PAM: variants seen among roughly 807,000 people sequenced by gnomAD.
The protein encoded by PAM is peptidylglycine alpha-amidating monooxygenase.
A neutral mutation model predicts 122.1 loss-of-function variants in PAM; 72 were observed. That is an observed-to-expected ratio of 0.59 (90% confidence interval 0.49 to 0.72). The LOEUF (loss-of-function observed/expected upper bound fraction) is 0.72. Among genes scored for constraint, PAM ranks in the 30% least tolerant of loss-of-function variants. The probability of loss-of-function intolerance (pLI) is 0.00; values close to 1 mark genes in which losing one functional copy is unlikely to be tolerated. For synonymous variants in PAM, 389 were observed against 404.4 expected (o/e 0.96, Z 0.46); for missense variants, 1,106 against 1,183.7 (o/e 0.93, Z 0.96).
At chr5:102,974,548 C>T in intron 15 of PAM, 112 bp downstream of exon 15, 1 of 665,632 alleles carries the variant, frequency 1.5e-6, no homozygotes. Flanking sequence ...ATGAAAAGGA[C>T]TTATCATTAG....
chr5:102,826,545 G>T (rs1236253833), intron 1 of PAM, among the ~76,000 whole-genome samples: 3 of 152,164 alleles, frequency 2.0e-5, no homozygotes, highest in African/African-American at 7.2e-5. Flanking sequence ...ACTAAGAGCT[G>T]CTGGTGCCCT....
intron 3 of PAM, among the ~76,000 whole-genome samples, chr5:102,870,832 C>A (rs934809486): frequency 6.6e-6 from 1 of 152,146 alleles, no homozygotes; most frequent in African/African-American, 2.4e-5. Context: ...GTGGTGATAT[C>A]TTGAGACTCC....
intron 1 of PAM, among the ~76,000 whole-genome samples, chr5:102,818,024 C>CAAAA (rs753744226): frequency 0.047 from 2,582 of 55,366 alleles, 65 homozygotes; most frequent in East Asian, 0.063. Context: ...TTTTTTTTCT[C>CAAAA]AAAAAAAAAA....
chr5:102,887,687 ATT>A (rs1407735356), intron 3 of PAM, among the ~76,000 whole-genome samples: 2 of 151,804 alleles, frequency 1.3e-5, no homozygotes, highest in African/African-American at 4.8e-5. Flanking sequence ...AATTACTTTA[ATT>A]TTTTTCCTTC....
At chr5:102,977,248 C>G (rs917736450) in intron 15 of PAM, among the ~76,000 whole-genome samples, 3 of 152,142 alleles carry the variant, frequency 2.0e-5, no homozygotes, top group Admixed American at 1.3e-4. Context: ...CAGGATTCCA[C>G]TTGTTTTCCA....
At chr5:102,796,641 CT>C (rs1763452735) in intron 1 of PAM, among the ~76,000 whole-genome samples, 1 of 152,174 alleles carries the variant, frequency 6.6e-6, no homozygotes, top group Non-Finnish European at 1.5e-5. Flanking sequence ...ATTCAACTCT[CT>C]TTGTACTTTG....
Position 102,974,213 on chromosome 5 carries a change from A to G in PAM, c.1260A>G (p.Ser420=). The change falls in exon 15 of 26, where the codon TCA becomes TCG. Residue 420 remains serine (S), a synonymous_variant. Transcript: ENST00000438793. The part of the protein sequence containing the change: ...YNPTEKAESE[S]DLVAEIANVV... The stretch of plus-strand genomic sequence containing the variant: ...CTACAGAAAAGGCAGAATCAGAGTC[A>G]GACCTGGTAGCTGAGATTGCAAATG... The G allele has an allele frequency of 6.2e-7, 1 of 1,613,806 alleles. No homozygotes were observed. Among genetic ancestry groups the G allele is most frequent in the African/African-American group, 1.3e-5 (1 of 75,048 alleles).
chr5:102,919,940 AC>A (rs897584395), intron 5 of PAM, among the ~76,000 whole-genome samples: 1 of 151,966 alleles, frequency 6.6e-6, no homozygotes, highest in African/African-American at 2.4e-5. Flanking sequence ...TACAGTTGGA[AC>A]CCTTTTGACT....
chr5:102,824,023 G>T (rs1231910957), intron 1 of PAM, among the ~76,000 whole-genome samples: 1 of 152,118 alleles, frequency 6.6e-6, no homozygotes, highest in African/African-American at 2.4e-5. Context: ...GTTTTAAAGA[G>T]CACCAGAAAT....
rs117382323 is a variant in PAM, at chr5:102,758,507, C to T, written c.-374+3159C>T. 5.6e-3 allele frequency among the ~76,000 whole-genome samples: 846 copies of T among 152,234 alleles called. 15 individuals carry two copies. Among genetic ancestry groups the T allele is most frequent in the Admixed American group, 0.036 (558 of 15,290 alleles). ...AAGAACTTTCTTTACCATTTGAATG[C>T]GAAAGCTAATTATTAAAACCACATA... On this transcript the variant is annotated intron_variant, in intron 1 of 25. Coordinates refer to ENST00000438793, the MANE Select transcript of PAM (RefSeq NM_001177306.2).
At chr5:102,776,382 T>G (rs1252309559) in intron 1 of PAM, among the ~76,000 whole-genome samples, 2 of 152,172 alleles carry the variant, frequency 1.3e-5, no homozygotes, top group African/African-American at 4.8e-5. Flanking sequence ...GCAATTGCTT[T>G]TGATGTTTTT....
chr5:102,918,392 CT>C (rs1746200739), intron 5 of PAM, among the ~76,000 whole-genome samples: 1 of 152,022 alleles, frequency 6.6e-6, no homozygotes, highest in African/African-American at 2.4e-5. Context: ...GAATATGAGC[CT>C]AAACTAAGCT....
At chr5:102,836,398 T>C (rs1293941598) in intron 1 of PAM, among the ~76,000 whole-genome samples, 1 of 152,150 alleles carries the variant, frequency 6.6e-6, no homozygotes, top group Non-Finnish European at 1.5e-5. Flanking sequence ...CCTTTTTGTT[T>C]TTTAGTTTTG....
intron 1 of PAM, among the ~76,000 whole-genome samples, chr5:102,859,306 A>G (rs1487231416): frequency 6.7e-6 from 1 of 150,374 alleles, no homozygotes; most frequent in Non-Finnish European, 1.5e-5. Context: ...ACTGATATTG[A>G]TCATGCTGAT....
chr5:102,824,420 T>C (rs1772990266), intron 1 of PAM, among the ~76,000 whole-genome samples: 1 of 152,200 alleles, frequency 6.6e-6, no homozygotes, highest in Admixed American at 6.5e-5. Context: ...AAATGGAAGG[T>C]GTAATATGTG....
chr5:102,946,935 G>A (rs778002309), intron 8 of PAM, 50 bp downstream of exon 8: 24 of 1,208,584 alleles, frequency 2.0e-5, no homozygotes, highest in East Asian at 4.7e-5. Context: ...ACATCTTTGC[G>A]AACTTAGAGT....
At position 102,961,233 on chromosome 5, in the gene PAM, T is replaced by C; in HGVS notation, c.1162+4T>C. On this transcript the variant is annotated splice_donor_region_variant and intron_variant, in intron 14 of 25. Transcript: ENST00000438793. ...GAAGAAGAAGTGTTAGACCAGGGTA[T>C]GTATGCTTATTTCTATAACTAGTCC... 2.0e-6 allele frequency: 3 copies of C among 1,502,846 alleles called. No individual in the cohort carries two copies. The highest frequency in any genetic ancestry group is 2.3e-5 in the South Asian group (2 of 88,668). The allele number at this position is 1,502,846 out of a possible 1,614,324, so 93.1% of individuals were successfully genotyped here.
At chr5:102,803,721 G>A (rs1765493239) in intron 1 of PAM, among the ~76,000 whole-genome samples, 1 of 152,056 alleles carries the variant, frequency 6.6e-6, no homozygotes, top group Admixed American at 6.5e-5. Flanking sequence ...AAGCACCTTA[G>A]AAAAATAGGA....
At chr5:102,809,722 C>T (rs191803682) in intron 1 of PAM, among the ~76,000 whole-genome samples, 77 of 152,320 alleles carry the variant, frequency 5.1e-4, no homozygotes, top group African/African-American at 1.6e-3. Flanking sequence ...GTGAGAAGTA[C>T]AACTGTGAGA....
Sources: gnomAD v4.1 joint callset for allele counts (sites outside exome capture counted in the v4.1 genomes callset) on GRCh38, gnomAD v4.1.1 for gene constraint, MANE v1.5 for transcripts, NCBI Gene and HGNC (gene_info 2026-07-23, HGNC 2026-07-21) for gene names.